USP8: variants seen among roughly 807,000 people sequenced by gnomAD.
The protein encoded by USP8 is ubiquitin carboxyl-terminal hydrolase 8.
Under a neutral mutation model 130.0 loss-of-function variants are expected in USP8, and 27 were observed. The ratio of observed to expected loss-of-function variants is 0.21; its 90% CI spans 0.15 to 0.29. The LOEUF (loss-of-function observed/expected upper bound fraction) is 0.29, where lower values mean the gene tolerates loss of function less well. Among genes scored for constraint, USP8 ranks in the 10% least tolerant of loss-of-function variants. USP8 has a pLI of 1.00. For synonymous variants in USP8, 392 were observed against 444.1 expected (o/e 0.88, Z 1.48); for missense variants, 1,029 against 1,312.2 (o/e 0.78, Z 3.33).
intron 1 of USP8, among the ~76,000 whole-genome samples, chr15:50,438,290 T>C (rs1006986368): frequency 6.6e-6 from 1 of 152,122 alleles, no homozygotes; most frequent in Non-Finnish European, 1.5e-5. Context: ...TATTAAGAGA[T>C]TGGAAAGAAG....
chr15:50,448,287 G>A (rs1219669707), intron 3 of USP8, among the ~76,000 whole-genome samples: 1 of 151,984 alleles, frequency 6.6e-6, no homozygotes, highest in East Asian at 1.9e-4. Context: ...AAGTCATATT[G>A]ACATGTTGTG....
Position 50,490,241 on chromosome 15 carries a change from T to C in USP8, c.1972-22T>C, listed in dbSNP as rs762237093. 3 of 1,579,716 alleles carry C rather than the reference T, an allele frequency of 1.9e-6. No homozygotes were observed. The Admixed American group carries it at 5.9e-5, about 31-fold the overall frequency. On this transcript the variant is annotated intron_variant, in intron 13 of 19. Transcript: ENST00000307179. ...CTTATTTTTGTTTTTTGACCTGTTT[T>C]TTTTTTTCTTTTCCATCTAAGTTTC...
rs1162148283 is a variant in USP8, at chr15:50,512,261, G to C, written c.*13173G>C. The C allele has an allele frequency of 2.0e-5, 3 of 151,964 alleles. No individual in the cohort carries two copies. Among genetic ancestry groups the C allele is most frequent in the Admixed American group, 6.6e-5 (1 of 15,220 alleles). 9.4% of individuals were successfully genotyped at this position (151,964 alleles called of 1,614,324 possible). A position where few individuals can be genotyped will look rare whatever the true frequency, so the allele number is the denominator to read the frequency against. ...GAGAATCCCTTGAACCTGGGAGGCG[G>C]AAGTTGCAGTGAGCTGAAATCATGC... On this transcript the variant is annotated 3_prime_UTR_variant, in exon 20 of 20. Coordinates refer to ENST00000307179, the MANE Select transcript of USP8 (RefSeq NM_005154.5).
intron 4 of USP8, among the ~76,000 whole-genome samples, chr15:50,455,747 A>G (rs1438735891): frequency 6.6e-6 from 1 of 152,056 alleles, no homozygotes; most frequent in Non-Finnish European, 1.5e-5. Flanking sequence ...TGTCTTGCCT[A>G]TGGTAGGTGG....
rs751456417 is a variant in USP8 at position 50,465,100 on chromosome 15, T to A, written c.595T>A (p.Leu199Met). ...AATGATGACGGATAAAAACATCAGC[T>A]TGATTATAATGGATGCTCGAAGAAT... is the stretch of plus-strand genomic sequence containing the variant. ...YTMMTDKNIS[L>M]IIMDARRMQD... Residue 199 changes from leucine (L) to methionine (M), a missense_variant, in exon 7 of 20, where the codon TTG becomes ATG. By Grantham distance (15) the Leu-to-Met change is conservative. Coordinates refer to ENST00000307179, the MANE Select transcript of USP8 (RefSeq NM_005154.5). 6.8e-6 allele frequency: 11 copies of A among 1,614,082 alleles called. No homozygotes were observed. In the South Asian group the frequency reaches 1.2e-4, roughly 18 times the overall value.
In USP8 at chr15:50,459,152, A is replaced by C. The variant is rs141529735; in HGVS notation, c.488A>C (p.Lys163Thr). 62 of 1,605,808 alleles carry C rather than the reference A, an allele frequency of 3.9e-5. No individual in the cohort carries two copies. In the African/African-American group the frequency reaches 7.3e-4, roughly 19 times the overall value. ...GAGAATGTTTTGGATTCCAAAGACA[A>C]AACCCAAAAGGTATTTCAAATTTAA... ...SLENVLDSKD[K>T]TQKSNGEKNE... The change falls in exon 5 of 20, where the codon AAA (lysine) becomes ACA (threonine). Residue 163 changes from lysine to threonine, a missense_variant. By Grantham distance (78) the Lys-to-Thr change is moderately conservative. Transcript: ENST00000307179.
At position 50,488,773 on chromosome 15, in the gene USP8, A is replaced by ATGT. The variant is rs2052053617; in HGVS notation, c.1891-1025_1891-1023dup. 2.6e-5 allele frequency among the ~76,000 whole-genome samples: 4 copies of ATGT among 151,236 alleles called. No individual in the cohort carries two copies. The South Asian group carries it at 8.4e-4, about 32-fold the overall frequency. On this transcript the variant is annotated intron_variant, in intron 12 of 19. Transcript: ENST00000307179. ...TTTTTAGTAGAGATGGGGTTTCACC[A>ATGT]TGTTGCCCAGGCTGGTCTCGAACTC...
intron 1 of USP8, among the ~76,000 whole-genome samples, chr15:50,434,458 C>T (rs2050035275): frequency 6.6e-6 from 1 of 152,036 alleles, no homozygotes; most frequent in Admixed American, 6.6e-5. Context: ...TTTTGGAGCA[C>T]TGCTGTTTGA....
intron 3 of USP8, among the ~76,000 whole-genome samples, chr15:50,442,341 T>C (rs1346842399): frequency 6.6e-6 from 1 of 152,206 alleles, no homozygotes; most frequent in Admixed American, 6.5e-5. Context: ...TTCCATTTGA[T>C]TGAAGCCATG....
chr15:50,436,175 G>A (rs902831340), intron 1 of USP8, among the ~76,000 whole-genome samples: 51 of 151,618 alleles, frequency 3.4e-4, no homozygotes, highest in Admixed American at 3.2e-3. Flanking sequence ...GGCCTTCCCC[G>A]TTCCCTGTTC....
intron 3 of USP8, among the ~76,000 whole-genome samples, chr15:50,445,204 A>G (rs2050384983): frequency 6.6e-6 from 1 of 152,084 alleles, no homozygotes; most frequent in Non-Finnish European, 1.5e-5. Context: ...TATGTCATTG[A>G]ACTTCCTTAG....
intron 13 of USP8, 108 bp from the exon 14 acceptor site, chr15:50,490,155 A>C: frequency 8.1e-7 from 1 of 1,227,936 alleles, no homozygotes; most frequent in South Asian, 1.5e-5. Flanking sequence ...TATTCGAATT[A>C]TTTTAATCCA....
At position 50,500,564 on chromosome 15, in the gene USP8, AG is replaced by A. The variant is rs1596000093; in HGVS notation, c.*1477del. The A allele has an allele frequency of 3.0e-5, 15 of 503,288 alleles. No individual in the cohort carries two copies. The East Asian group carries it at 4.8e-4, about 16-fold the overall frequency. The allele number at this position is 503,288 out of a possible 1,614,324, so 31.2% of individuals were successfully genotyped here. A position where few individuals can be genotyped will look rare whatever the true frequency, so the allele number is the denominator to read the frequency against. Reference sequence around the variant, plus strand: ...CATAAAAATGTTAATGATGCAAGTAAGTTCTAAGAGTTTAATGACCAAGCAA... The same window carrying A: ...CATAAAAATGTTAATGATGCAAGTAATTCTAAGAGTTTAATGACCAAGCAA... On this transcript the variant is annotated 3_prime_UTR_variant, in exon 20 of 20. Transcript: ENST00000307179.
rs575929870 is a variant in USP8 at position 50,505,049 on chromosome 15, G to A, written c.*5961G>A. 1.3e-5 allele frequency: 2 copies of A among 152,146 alleles called. No individual in the cohort carries two copies. The highest frequency in any genetic ancestry group is 3.9e-4 in the East Asian group (2 of 5,190). The allele number at this position is 152,146 out of a possible 1,614,324, so 9.4% of individuals were successfully genotyped here. ...AAATTAGCAAGAATGGAGTAGTGAT[G>A]GAGAATACGTGTTAAGAGGCATGAA... On this transcript the variant is annotated 3_prime_UTR_variant, in exon 20 of 20. Coordinates refer to ENST00000307179, the MANE Select transcript of USP8 (RefSeq NM_005154.5).
chr15:50,455,802 T>C (rs1208440416), intron 4 of USP8, among the ~76,000 whole-genome samples: 2 of 152,184 alleles, frequency 1.3e-5, no homozygotes, highest in African/African-American at 4.8e-5. Flanking sequence ...CTGGGCTCCT[T>C]AGTATCTGCT....
intron 15 of USP8, 187 bp downstream of exon 15, chr15:50,493,100 G>C (rs1392144439): frequency 1.4e-6 from 1 of 698,576 alleles, no homozygotes; most frequent in Admixed American, 2.1e-5. Flanking sequence ...CCGGCATCTG[G>C]TGCGCTTTTT....
At chr15:50,458,780 T>C (rs2050877985) in intron 4 of USP8, among the ~76,000 whole-genome samples, 1 of 152,174 alleles carries the variant, frequency 6.6e-6, no homozygotes, top group East Asian at 1.9e-4. Flanking sequence ...ACTAAATAAT[T>C]TCAACTTGAG....
In USP8 at chr15:50,436,300, A is replaced by G. The variant is rs77535456; in HGVS notation, c.-65-2709A>G. 9.8e-3 allele frequency among the ~76,000 whole-genome samples: 1,490 copies of G among 151,536 alleles called. 11 individuals carry two copies. Among genetic ancestry groups the G allele is most frequent in the Non-Finnish European group, 0.013 (876 of 67,878 alleles). ...TCATCCTGCTTTTCATCTCTTTGAA[A>G]AACCTTCCCCCACCAAGACTCAAAT... On this transcript the variant is annotated intron_variant, in intron 1 of 19. Transcript: ENST00000307179.
chr15:50,495,743 AC>A lies in USP8; in HGVS notation c.2659-104del. ...AGATCAGAACTCCTTTATGAGAACTACAGGTGTTTCTAAATCTGGCAAGTGT... is the reference window on the plus strand; with the variant it reads ...AGATCAGAACTCCTTTATGAGAACTAAGGTGTTTCTAAATCTGGCAAGTGT... On this transcript the variant is annotated intron_variant, in intron 16 of 19. Coordinates refer to ENST00000307179, the MANE Select transcript of USP8 (RefSeq NM_005154.5). 3.4e-6 allele frequency: 3 copies of A among 876,154 alleles called. No individual in the cohort carries two copies. The South Asian group carries it at 5.4e-5, about 16-fold the overall frequency. The allele number at this position is 876,154 out of a possible 1,614,324, so 54.3% of individuals were successfully genotyped here. A position where few individuals can be genotyped will look rare whatever the true frequency, so the allele number is the denominator to read the frequency against.
Sources: allele counts gnomAD v4.1 joint callset (sites outside exome capture counted in the v4.1 genomes callset), GRCh38; gene constraint gnomAD v4.1.1; transcripts MANE v1.5; gene names NCBI Gene and HGNC (gene_info 2026-07-23, HGNC 2026-07-21).